The following ZNF618 variants were observed in gnomAD, a reference collection of about 807,000 sequenced individuals.
ZNF618 encodes zinc finger protein 618.
ZNF618 carries 34 observed loss-of-function variants against 103.0 expected under a neutral mutation model. The ratio of observed to expected loss-of-function variants is 0.33; its 90% CI spans 0.25 to 0.44. The LOEUF is 0.44. Among genes scored for constraint, ZNF618 ranks in the 20% least tolerant of loss-of-function variants. The pLI is 1.00. For missense variants in ZNF618, 1,059 were observed against 1,295.4 expected (o/e 0.82, Z 2.80); for synonymous variants, 551 against 542.2 (o/e 1.02, Z -0.23).
chr9:114,044,521 C>G (rs1845492404), intron 13 of ZNF618, among the ~76,000 whole-genome samples: 1 of 152,044 alleles, frequency 6.6e-6, no homozygotes, highest in African/African-American at 2.4e-5. Flanking sequence ...TTTGGCTATG[C>G]AAGCTCTTTT....
intron 10 of ZNF618, among the ~76,000 whole-genome samples, chr9:114,023,132 A>G (rs1259200845): frequency 6.6e-6 from 1 of 151,964 alleles, no homozygotes; most frequent in African/African-American, 2.4e-5. Flanking sequence ...TTAATATACT[A>G]TATTAATATG....
intron 1 of ZNF618, among the ~76,000 whole-genome samples, chr9:113,901,122 C>G (rs1007951914): frequency 6.7e-6 from 1 of 149,314 alleles, no homozygotes; most frequent in Admixed American, 6.7e-5. Flanking sequence ...GACCTCCTGT[C>G]TCCTAGCACC....
intron 2 of ZNF618, among the ~76,000 whole-genome samples, chr9:113,984,983 C>G (rs1022401595): frequency 2.6e-5 from 4 of 152,220 alleles, no homozygotes; most frequent in African/African-American, 9.6e-5. Flanking sequence ...GCGCTAAACA[C>G]CTATGCCACA....
At chr9:114,010,057 C>T (rs1038403336) in intron 9 of ZNF618, among the ~76,000 whole-genome samples, 1 of 152,184 alleles carries the variant, frequency 6.6e-6, no homozygotes, top group African/African-American at 2.4e-5. Context: ...CACCTGTAAT[C>T]CCAGCACTTT....
At chr9:113,964,518 C>T (rs1447381151) in intron 1 of ZNF618, among the ~76,000 whole-genome samples, 4 of 151,396 alleles carry the variant, frequency 2.6e-5, no homozygotes, top group East Asian at 1.9e-4. Flanking sequence ...GAAATTTTTA[C>T]CAGAAATTCC....
At chr9:114,006,238 A>G (rs2133765968) in intron 6 of ZNF618, among the ~76,000 whole-genome samples, 1 of 152,300 alleles carries the variant, frequency 6.6e-6, no homozygotes, top group African/African-American at 2.4e-5. Flanking sequence ...GGAGAGAGGT[A>G]CCCCAACCCA....
intron 2 of ZNF618, among the ~76,000 whole-genome samples, chr9:113,980,626 G>A (rs532034405): frequency 3.5e-4 from 54 of 152,346 alleles, no homozygotes; most frequent in Non-Finnish European, 5.9e-4. Context: ...GGAAATGAGT[G>A]TGGATAAAAA....
chr9:114,017,085 C>G (rs139918292), intron 10 of ZNF618, among the ~76,000 whole-genome samples: 1 of 152,144 alleles, frequency 6.6e-6, no homozygotes, highest in Non-Finnish European at 1.5e-5. Context: ...CCTGCTGTGG[C>G]CCTCTTCTAG....
intron 1 of ZNF618, among the ~76,000 whole-genome samples, chr9:113,964,701 A>G (rs558030762): frequency 1.2e-4 from 18 of 151,938 alleles, no homozygotes; most frequent in Non-Finnish European, 5.9e-5. Flanking sequence ...TAAAACCAAA[A>G]TGAAAAAAAG....
chr9:113,958,405 G>T (rs1836519807), intron 1 of ZNF618, among the ~76,000 whole-genome samples: 1 of 152,300 alleles, frequency 6.6e-6, no homozygotes, highest in East Asian at 1.9e-4. Context: ...CTGGCACACG[G>T]GAGGTGCCCA....
At chr9:113,945,006 G>C (rs1834885806) in intron 1 of ZNF618, among the ~76,000 whole-genome samples, 1 of 152,134 alleles carries the variant, frequency 6.6e-6, no homozygotes, top group African/African-American at 2.4e-5. Flanking sequence ...CTGTTAATGA[G>C]AATGACTCAT....
chr9:113,989,960 C>T (rs1332457634), intron 3 of ZNF618, among the ~76,000 whole-genome samples: 2 of 152,206 alleles, frequency 1.3e-5, no homozygotes, highest in African/African-American at 4.8e-5. Context: ...CCCTGGGACT[C>T]CCTACTGTCT....
intron 6 of ZNF618, among the ~76,000 whole-genome samples, chr9:114,005,644 T>G (rs1157588319): frequency 6.6e-6 from 1 of 152,136 alleles, no homozygotes; most frequent in Non-Finnish European, 1.5e-5. Flanking sequence ...AGACCCCAGG[T>G]GGCCTTGACT....
chr9:113,977,367 T>C (rs1292479930), intron 2 of ZNF618, among the ~76,000 whole-genome samples: 1 of 152,200 alleles, frequency 6.6e-6, no homozygotes, highest in Non-Finnish European at 1.5e-5. Flanking sequence ...AGTCATAGCC[T>C]TGGCATGAAG....
At position 114,008,348 on chromosome 9, in the gene ZNF618, T is replaced by G. The variant is rs1268715427; in HGVS notation, c.645T>G (p.Phe215Leu). The G allele has an allele frequency of 6.2e-7, 1 of 1,613,822 alleles. No homozygotes were observed. Among genetic ancestry groups the G allele is most frequent in the South Asian group, 1.1e-5 (1 of 91,078 alleles). The change falls in exon 8 of 15, where the codon TTT (phenylalanine) becomes TTG (leucine). Residue 215 changes from phenylalanine to leucine, a missense_variant. By Grantham distance (22) the Phe-to-Leu change is conservative. Around this residue, in one of 6 missense-constraint regions of ZNF618, gnomAD observed 434 missense variants for 476.0 expected, o/e 0.91. Coordinates refer to ENST00000374126, the MANE Select transcript of ZNF618 (RefSeq NM_001318042.2). The part of the protein sequence containing the change: ...EHRDLHAVDV[F>L]SVEGAPENRA... ...CCGCCTCCTGCCCGGGCGCAGTGTT[T>G]AGTGTGGAAGGGGCCCCTGAGAACC...
At chr9:114,021,855 G>T (rs1317567491) in intron 10 of ZNF618, among the ~76,000 whole-genome samples, 2 of 152,034 alleles carry the variant, frequency 1.3e-5, no homozygotes, top group African/African-American at 2.4e-5. Flanking sequence ...GAAGGGAGAG[G>T]TCTGGCTTCT....
chr9:113,982,944 C>T (rs1348719024), intron 2 of ZNF618, among the ~76,000 whole-genome samples: 1 of 152,186 alleles, frequency 6.6e-6, no homozygotes, highest in African/African-American at 2.4e-5. Flanking sequence ...CAGGTACTTA[C>T]TGAAAAATAT....
intron 1 of ZNF618, among the ~76,000 whole-genome samples, chr9:113,922,981 CAG>C (rs1832782078): frequency 6.6e-6 from 1 of 152,020 alleles, no homozygotes; most frequent in Admixed American, 6.6e-5. Context: ...TTTTTTTCAT[CAG>C]AGTTTTGTAG....
rs181932664 is a variant in ZNF618 at position 114,015,957 on chromosome 9, G to A, written c.755-738G>A. Among the ~76,000 whole-genome samples, 81 of 152,334 alleles carry A rather than the reference G, an allele frequency of 5.3e-4. 1 individual carries two copies. In the Middle Eastern group the frequency reaches 0.01, roughly 19 times the overall value. On this transcript the variant is annotated intron_variant, in intron 9 of 14. Coordinates refer to ENST00000374126, the MANE Select transcript of ZNF618 (RefSeq NM_001318042.2). ...GACAGGTGTTATCAGTGAGAGAAGC[G>A]CACCCCAGATGAGACAGAATGAAGA...
Sources: gnomAD v4.1 joint callset for allele counts (sites outside exome capture counted in the v4.1 genomes callset) on GRCh38, gnomAD v4.1.1 for gene constraint, gnomAD v4.1.1 regional missense constraint, MANE v1.5 for transcripts, NCBI Gene and HGNC (gene_info 2026-07-23, HGNC 2026-07-21) for gene names.